Variants in PRKG1 observed in about 807,000 individuals in gnomAD.
PRKG1 encodes cGMP-dependent protein kinase 1.
PRKG1 carries 35 observed loss-of-function variants against 88.1 expected under a neutral mutation model. The observed-to-expected ratio is 0.40, with a 90% confidence interval of 0.30 to 0.53. The LOEUF is 0.53. PRKG1 is among the 20% of genes least tolerant of loss of function. The pLI is 0.59. For synonymous variants in PRKG1, 303 were observed against 292.5 expected (o/e 1.04, Z -0.37); for missense variants, 540 against 839.8 (o/e 0.64, Z 4.41).
chr10:51,358,921 A>C (rs1842421155), intron 2 of PRKG1, among the ~76,000 whole-genome samples: 1 of 123,806 alleles, frequency 8.1e-6, no homozygotes, highest in Non-Finnish European at 1.7e-5. Flanking sequence ...TTTATAAATA[A>C]AACGTTATTT....
intron 9 of PRKG1, among the ~76,000 whole-genome samples, chr10:52,219,977 TGC>T (rs1840202515): frequency 6.6e-6 from 1 of 151,080 alleles, no homozygotes; most frequent in African/African-American, 2.4e-5. Flanking sequence ...ACATCATATT[TGC>T]CTCTGTAAAT....
At chr10:51,955,691 A>C (rs1372907889) in intron 5 of PRKG1, among the ~76,000 whole-genome samples, 1 of 152,174 alleles carries the variant, frequency 6.6e-6, no homozygotes, top group Non-Finnish European at 1.5e-5. Context: ...TGCATTATTC[A>C]TGTTCTCTTA....
chr10:51,856,793 G>A lies in PRKG1; in HGVS notation c.699-50714G>A, dbSNP rs142066007. Among the ~76,000 whole-genome samples the A allele has an allele frequency of 2.6e-3, 398 of 151,672 alleles. 1 individual carries two copies. The highest frequency in any genetic ancestry group is 4.0e-3 in the Non-Finnish European group (273 of 67,886). On this transcript the variant is annotated intron_variant, in intron 4 of 17. Coordinates refer to ENST00000373980, the MANE Select transcript of PRKG1 (RefSeq NM_006258.4). ...ATCCTGGCTAACACGGTGAAACCCC[G>A]TCTCTACTACAAATACAAAAAATTA...
intron 3 of PRKG1, among the ~76,000 whole-genome samples, chr10:51,521,217 G>A (rs1175219119): frequency 6.6e-6 from 1 of 152,210 alleles, no homozygotes; most frequent in Non-Finnish European, 1.5e-5. Context: ...GAACCCAGGA[G>A]GCGGAGGTTG....
chr10:51,082,346 CAGA>C (rs1320614678), intron 1 of PRKG1, among the ~76,000 whole-genome samples: 2 of 152,228 alleles, frequency 1.3e-5, no homozygotes, highest in African/African-American at 4.8e-5. Context: ...AAATAGGAAG[CAGA>C]AGGACTCTGG....
At position 51,941,443 on chromosome 10, in the gene PRKG1, T is replaced by C. The variant is rs974782201; in HGVS notation, c.762+33873T>C. Among the ~76,000 whole-genome samples the C allele has an allele frequency of 2.6e-5, 4 of 151,864 alleles. 1 individual carries two copies. The highest frequency in any genetic ancestry group is 9.7e-5 in the African/African-American group (4 of 41,274). On this transcript the variant is annotated intron_variant, in intron 5 of 17. Coordinates refer to ENST00000373980, the MANE Select transcript of PRKG1 (RefSeq NM_006258.4). ...TTTTGATCACACGTGCTTATGTTTT[T>C]TTATTATTTTATTTTATTATTATTA...
At position 52,244,897 on chromosome 10, in the gene PRKG1, A is replaced by G. The variant is rs1013492582; in HGVS notation, c.1077-6673A>G. On this transcript the variant is annotated intron_variant, in intron 9 of 17. Coordinates refer to ENST00000373980, the MANE Select transcript of PRKG1 (RefSeq NM_006258.4). Reference sequence around the variant, plus strand: ...TAAAATATTTAAATAATACTTTTTTAATAAACTTTTTAAAATATATATATA... The same window carrying G: ...TAAAATATTTAAATAATACTTTTTTGATAAACTTTTTAAAATATATATATA... Among the ~76,000 whole-genome samples the G allele has an allele frequency of 5.1e-5, 3 of 59,194 alleles. No homozygotes were observed. In the Admixed American group the frequency reaches 7.7e-4, roughly 15 times the overall value. 38.8% of individuals were successfully genotyped at this position (59,194 alleles called of 152,430 possible). A position where few individuals can be genotyped will look rare whatever the true frequency, so the allele number is the denominator to read the frequency against.
intron 5 of PRKG1, among the ~76,000 whole-genome samples, chr10:51,926,622 C>A (rs4601717): frequency 0.61 from 92,209 of 151,702 alleles, 29,546 homozygotes; most frequent in African/African-American, 0.83. Context: ...TGCATTTTTC[C>A]AGCGGCTAGA....
chr10:51,304,898 G>T (rs1400265709), intron 2 of PRKG1, among the ~76,000 whole-genome samples: 1 of 151,970 alleles, frequency 6.6e-6, no homozygotes, highest in Non-Finnish European at 1.5e-5. Context: ...CCAGAAGTTT[G>T]TCACTTCCTT....
At chr10:51,670,543 C>T (rs936157881) in intron 3 of PRKG1, among the ~76,000 whole-genome samples, 7 of 149,570 alleles carry the variant, frequency 4.7e-5, no homozygotes, top group African/African-American at 9.8e-5. Context: ...GAGACCATCC[C>T]GGCTAAAACG....
chr10:51,483,111 C>T (rs1840419646), intron 3 of PRKG1, among the ~76,000 whole-genome samples: 1 of 150,200 alleles, frequency 6.7e-6, no homozygotes, highest in African/African-American at 2.5e-5. Context: ...ACCTCTGCCT[C>T]CTGGATTCAA....
chr10:52,204,400 A>G (rs561751765), intron 9 of PRKG1, among the ~76,000 whole-genome samples: 1 of 109,140 alleles, frequency 9.2e-6, no homozygotes, highest in African/African-American at 4.0e-5. Context: ...GCTGGTTGTT[A>G]TGCAGACTTG....
intron 3 of PRKG1, among the ~76,000 whole-genome samples, chr10:51,608,270 G>A (rs1198895102): frequency 6.6e-6 from 1 of 152,196 alleles, no homozygotes; most frequent in East Asian, 1.9e-4. Context: ...AGGTTTGATT[G>A]TAAGGCTGCT....
intron 5 of PRKG1, among the ~76,000 whole-genome samples, chr10:51,922,627 A>C (rs1842486030): frequency 6.6e-6 from 1 of 151,842 alleles, no homozygotes; most frequent in South Asian, 2.1e-4. Context: ...AATAGTTTTT[A>C]ATTTTTCTTG....
chr10:52,107,396 AAATT>A (rs1327729995), intron 7 of PRKG1, among the ~76,000 whole-genome samples: 6 of 152,284 alleles, frequency 3.9e-5, no homozygotes, highest in African/African-American at 1.2e-4. Context: ...AATAAAATCT[AAATT>A]ATTAATTTAA....
At chr10:51,845,115 C>T (rs766647777) in intron 4 of PRKG1, among the ~76,000 whole-genome samples, 2 of 152,136 alleles carry the variant, frequency 1.3e-5, no homozygotes, top group Non-Finnish European at 2.9e-5. Flanking sequence ...TCCTTGAGGG[C>T]TCTCAGTATA....
At chr10:51,619,769 T>C (rs1271147223) in intron 3 of PRKG1, among the ~76,000 whole-genome samples, 1 of 152,202 alleles carries the variant, frequency 6.6e-6, no homozygotes, top group Admixed American at 6.5e-5. Context: ...TTGTCAGGTC[T>C]ATCCTAAAGC....
intron 4 of PRKG1, among the ~76,000 whole-genome samples, chr10:51,833,959 T>C (rs956306860): frequency 1.3e-5 from 2 of 152,188 alleles, no homozygotes; most frequent in African/African-American, 4.8e-5. Flanking sequence ...ATGGTCTTTG[T>C]CTTTCCATGC....
chr10:51,268,244 T>C (rs1839888297), intron 2 of PRKG1, among the ~76,000 whole-genome samples: 1 of 152,170 alleles, frequency 6.6e-6, no homozygotes, highest in South Asian at 2.1e-4. Flanking sequence ...TTAAAATTGC[T>C]AATGAAGTTT....
Sources: gnomAD v4.1 joint callset for allele counts (sites outside exome capture counted in the v4.1 genomes callset) on GRCh38, gnomAD v4.1.1 for gene constraint, MANE v1.5 for transcripts, NCBI Gene and HGNC (gene_info 2026-07-23, HGNC 2026-07-21) for gene names.